The following CCDC192 variants were observed in gnomAD, a reference collection of about 807,000 sequenced individuals.
CCDC192 encodes the protein coiled-coil domain-containing protein 192.
intron 5 of CCDC192, among the ~76,000 whole-genome samples, chr5:127,818,612 A>G (rs1391528655): frequency 6.6e-6 from 1 of 152,216 alleles, no homozygotes; most frequent in Non-Finnish European, 1.5e-5. Context: ...ATGAGAATTC[A>G]GAGGAACCAT....
At chr5:127,893,265 G>A (rs1752782739) in intron 6 of CCDC192, among the ~76,000 whole-genome samples, 1 of 152,180 alleles carries the variant, frequency 6.6e-6, no homozygotes, top group Non-Finnish European at 1.5e-5. Flanking sequence ...TCCCAGCTCA[G>A]TCACTCAGAC....
intron 6 of CCDC192, among the ~76,000 whole-genome samples, chr5:127,911,925 C>T (rs1159816467): frequency 2.0e-5 from 3 of 151,562 alleles, no homozygotes; most frequent in Admixed American, 1.3e-4. Flanking sequence ...CCACCTCTCA[C>T]CAAATTTTTT....
chr5:127,804,794 C>A (rs1432642), intron 5 of CCDC192, among the ~76,000 whole-genome samples: 118,334 of 152,096 alleles, frequency 0.78, 46,166 homozygotes, highest in East Asian at 0.9. Flanking sequence ...CAGAGTTTTA[C>A]AAGTCCTGTA....
At chr5:127,752,720 C>G (rs982948621) in intron 2 of CCDC192, among the ~76,000 whole-genome samples, 13 of 152,184 alleles carry the variant, frequency 8.5e-5, no homozygotes, top group African/African-American at 2.9e-4. Flanking sequence ...GCCTCGCTGC[C>G]GCCTTGCAGT....
chr5:127,891,186 G>A (rs1752721023), intron 6 of CCDC192, among the ~76,000 whole-genome samples: 1 of 151,970 alleles, frequency 6.6e-6, no homozygotes, highest in South Asian at 2.1e-4. Flanking sequence ...CAGAGTAGCT[G>A]GGATTACAGG....
intron 5 of CCDC192, among the ~76,000 whole-genome samples, chr5:127,814,845 G>GT (rs2127007082): frequency 6.6e-6 from 1 of 152,272 alleles, no homozygotes; most frequent in South Asian, 2.1e-4. Flanking sequence ...CATGTCCTAC[G>GT]TACCTGTGTT....
chr5:127,923,527 G>A lies in CCDC192; in HGVS notation c.536-17655G>A, dbSNP rs189403485. On this transcript the variant is annotated intron_variant, in intron 6 of 6. Transcript: ENST00000514853. ...CGAGTAGCTGGGACTACAGGCGCCC[G>A]CCACCATGCCCTGCTAACTTTTTGT... Among the ~76,000 whole-genome samples the A allele has an allele frequency of 4.6e-3, 706 of 152,114 alleles. 6 individuals are homozygous for A. Among genetic ancestry groups the A allele is most frequent in the African/African-American group, 0.016 (684 of 41,512 alleles).
Position 127,797,749 on chromosome 5 carries a change from A to G in CCDC192, c.355-357A>G, listed in dbSNP as rs867428363. ...TGTGAAGGTATATATATATATATATATATATATATATATATATATATATAT... is the reference window on the plus strand; with the variant it reads ...TGTGAAGGTATATATATATATATATGTATATATATATATATATATATATAT... On this transcript the variant is annotated intron_variant, in intron 4 of 6. Coordinates refer to ENST00000514853, the MANE Select transcript of CCDC192 (RefSeq NM_001317938.2). Among the ~76,000 whole-genome samples the G allele has an allele frequency of 1.4e-4, 4 of 28,364 alleles. No homozygotes were observed. The South Asian group carries it at 7.7e-3, about 54-fold the overall frequency. The allele number at this position is 28,364 out of a possible 152,430, so 18.6% of individuals were successfully genotyped here. A position where few individuals can be genotyped will look rare whatever the true frequency, so the allele number is the denominator to read the frequency against.
At position 127,804,144 on chromosome 5, in the gene CCDC192, C is replaced by G. The variant is rs181301616; in HGVS notation, c.411+5982C>G. Among the ~76,000 whole-genome samples, 117 of 152,322 alleles carry G rather than the reference C, an allele frequency of 7.7e-4. 2 individuals carry two copies. The highest frequency in any genetic ancestry group is 2.1e-3 in the African/African-American group (89 of 41,586). On this transcript the variant is annotated intron_variant, in intron 5 of 6. Coordinates refer to ENST00000514853, the MANE Select transcript of CCDC192 (RefSeq NM_001317938.2). ...TAAGAATCTGTAAGAGCGGACTGCT[C>G]CCTCCTAGAATTCCAGGCCCTCTGC...
At chr5:127,839,767 T>C (rs924943316) in intron 5 of CCDC192, among the ~76,000 whole-genome samples, 1 of 152,028 alleles carries the variant, frequency 6.6e-6, no homozygotes, top group Non-Finnish European at 1.5e-5. Context: ...CTGTATTTCA[T>C]CACACTAAGA....
chr5:127,864,156 G>T (rs1463735131), intron 5 of CCDC192, among the ~76,000 whole-genome samples: 1 of 152,136 alleles, frequency 6.6e-6, no homozygotes, highest in Non-Finnish European at 1.5e-5. Context: ...GATTAAATAT[G>T]ACTCACTTGA....
intron 6 of CCDC192, among the ~76,000 whole-genome samples, chr5:127,886,779 C>A (rs1271515344): frequency 1.3e-5 from 2 of 152,080 alleles, no homozygotes; most frequent in Non-Finnish European, 2.9e-5. Flanking sequence ...TGCAGGAGGT[C>A]AGAAACCTTA....
intron 5 of CCDC192, among the ~76,000 whole-genome samples, chr5:127,838,914 C>T (rs1018689067): frequency 6.6e-6 from 1 of 152,172 alleles, no homozygotes; most frequent in African/African-American, 2.4e-5. Flanking sequence ...AACACACTGA[C>T]AGCCTGGGCC....
intron 1 of CCDC192, among the ~76,000 whole-genome samples, chr5:127,704,932 A>G (rs1344105043): frequency 6.6e-6 from 1 of 152,108 alleles, no homozygotes; most frequent in Non-Finnish European, 1.5e-5. Flanking sequence ...CCAATTTGAC[A>G]TGAAGAATGA....
At chr5:127,753,816 T>C (rs1358934056) in intron 2 of CCDC192, among the ~76,000 whole-genome samples, 1 of 152,200 alleles carries the variant, frequency 6.6e-6, no homozygotes, top group Non-Finnish European at 1.5e-5. Context: ...TTTGCTTTAA[T>C]GACATATGCT....
chr5:127,919,115 A>G (rs919528218), intron 6 of CCDC192, among the ~76,000 whole-genome samples: 4 of 150,722 alleles, frequency 2.7e-5, no homozygotes, highest in African/African-American at 9.8e-5. Context: ...ACCTATGCAC[A>G]TGTAATATGT....
At chr5:127,763,965 T>C (rs1755072334) in intron 3 of CCDC192, among the ~76,000 whole-genome samples, 1 of 152,160 alleles carries the variant, frequency 6.6e-6, no homozygotes, top group Admixed American at 6.6e-5. Flanking sequence ...TAGATGTCCT[T>C]AGGTGCTTTC....
At chr5:127,929,680 A>G (rs1436275199) in intron 6 of CCDC192, among the ~76,000 whole-genome samples, 2 of 152,208 alleles carry the variant, frequency 1.3e-5, no homozygotes, top group Non-Finnish European at 2.9e-5. Flanking sequence ...TTTTTCAGTC[A>G]TTATCAAAGA....
intron 6 of CCDC192, among the ~76,000 whole-genome samples, chr5:127,932,111 G>A (rs530440436): frequency 3.4e-5 from 5 of 146,146 alleles, no homozygotes; most frequent in African/African-American, 5.1e-5. Context: ...CCGAGATCGT[G>A]CCACTGCGCT....
Sources: allele counts gnomAD v4.1 joint callset (sites outside exome capture counted in the v4.1 genomes callset), GRCh38; gene constraint gnomAD v4.1.1; transcripts MANE v1.5; gene names NCBI Gene and HGNC (gene_info 2026-07-23, HGNC 2026-07-21).